Variants in FERMT1 observed in about 807,000 individuals in gnomAD.
FERMT1 encodes the protein FERM domain containing kindlin 1, also known as fermitin family homolog 1.
Under a neutral mutation model 85.3 loss-of-function variants are expected in FERMT1, and 60 were observed. That is an observed-to-expected ratio of 0.70 (90% CI 0.57 to 0.87). The LOEUF (loss-of-function observed/expected upper bound fraction) is 0.87, where lower values mean the gene tolerates loss of function less well. Ranked by LOEUF, FERMT1 falls within the 40% of genes least tolerant of loss-of-function variation. FERMT1 has a pLI of 0.00. For missense variants in FERMT1, 701 were observed against 818.9 expected (o/e 0.86, Z 1.76); for synonymous variants, 275 against 301.1 (o/e 0.91, Z 0.90).
In FERMT1 at chr20:6,079,627, A is replaced by G. The variant is rs749440416; in HGVS notation, c.1719-50T>C. The G allele has an allele frequency of 2.6e-6, 4 of 1,512,550 alleles. No individual in the cohort carries two copies. The African/African-American group carries it at 4.1e-5, about 16-fold the overall frequency. 93.7% of individuals were successfully genotyped at this position (1,512,550 alleles called of 1,614,324 possible). ...AAGAGAAGCAACTGCTTCCTATAAT[A>G]CAATGTTCACTCACATATAACTTCT... On this transcript the variant is annotated intron_variant, in intron 13 of 14. Transcript: ENST00000217289.
intron 6 of FERMT1, among the ~76,000 whole-genome samples, chr20:6,103,868 T>C (rs548618798): frequency 6.6e-6 from 1 of 150,686 alleles, no homozygotes; most frequent in East Asian, 1.9e-4. Context: ...TTATTATTAT[T>C]ATTATTTTAT....
chr20:6,078,715 C>A (rs117027809), intron 14 of FERMT1, among the ~76,000 whole-genome samples: 4,342 of 151,586 alleles, frequency 0.029, 97 homozygotes, highest in South Asian at 0.058. Flanking sequence ...CTCGAACTCC[C>A]AGCCTCAAGT....
Position 6,077,263 on chromosome 20 carries a change from G to T in FERMT1, c.1944C>A (p.Gly648=), listed in dbSNP as rs570732725. 6.2e-7 allele frequency: 1 copy of T among 1,614,160 alleles called. No individual in the cohort carries two copies. Among genetic ancestry groups the T allele is most frequent in the Admixed American group, 1.7e-5 (1 of 60,016 alleles). Residue 648 remains glycine, a synonymous_variant, in exon 15 of 15, where the codon GGC becomes GGA. Coordinates refer to ENST00000217289, the MANE Select transcript of FERMT1 (RefSeq NM_017671.5). ...ADCKIVHEYI[G]GYIFLSTRSK... ...AGCGGGTGGACAAGAAAATGTAGCC[G>T]CCAATGTACTCGTGCACAATCTTGC...
chr20:6,089,239 C>T, intron 9 of FERMT1, 150 bp from the exon 10 acceptor site: 4 of 785,006 alleles, frequency 5.1e-6, no homozygotes, highest in Non-Finnish European at 8.3e-6. Context: ...TTTCCAAGCG[C>T]TGGAAATGAA....
At chr20:6,101,368 A>T (rs1421929670) in intron 6 of FERMT1, among the ~76,000 whole-genome samples, 1 of 152,054 alleles carries the variant, frequency 6.6e-6, no homozygotes, top group African/African-American at 2.4e-5. Context: ...ATTTTTTTTC[A>T]GTGGTTAAAA....
At chr20:6,077,615 A>T (rs1438861006) in intron 14 of FERMT1, among the ~76,000 whole-genome samples, 1 of 152,104 alleles carries the variant, frequency 6.6e-6, no homozygotes, top group Non-Finnish European at 1.5e-5. Context: ...AGATACAAGG[A>T]TTTTGCCCAA....
At chr20:6,099,553 T>C (rs1459021252) in intron 6 of FERMT1, among the ~76,000 whole-genome samples, 1 of 152,078 alleles carries the variant, frequency 6.6e-6, no homozygotes, top group Non-Finnish European at 1.5e-5. Flanking sequence ...GGCAAATTCA[T>C]AAAGACAGAA....
intron 2 of FERMT1, among the ~76,000 whole-genome samples, chr20:6,118,572 T>G (rs970908252): frequency 6.6e-6 from 1 of 152,162 alleles, no homozygotes; most frequent in Admixed American, 6.5e-5. Flanking sequence ...AAAAAAACTA[T>G]CTTGCTAGAG....
rs1319280817 is a variant in FERMT1, at chr20:6,077,113, C to T, written c.*60G>A. 1.3e-6 allele frequency: 2 copies of T among 1,575,548 alleles called. No homozygotes were observed. Among genetic ancestry groups the T allele is most frequent in the Admixed American group, 1.7e-5 (1 of 59,956 alleles). On this transcript the variant is annotated 3_prime_UTR_variant, in exon 15 of 15. Transcript: ENST00000217289. ...TACATGCTGGGCACGTTAGGGATCCCTCTGGGGAGGGGCGCCTTTGGCTTG... is the reference window on the plus strand; with the variant it reads ...TACATGCTGGGCACGTTAGGGATCCTTCTGGGGAGGGGCGCCTTTGGCTTG...
Position 6,107,560 on chromosome 20 carries a change from T to C in FERMT1, c.821A>G (p.Tyr274Cys). 6.2e-7 allele frequency: 1 copy of C among 1,612,194 alleles called. No individual in the cohort carries two copies. The highest frequency in any genetic ancestry group is 2.2e-5 in the East Asian group (1 of 44,818). ...EDEQLLLRFK[Y>C]YSFFDLNPKY... is the part of the protein sequence containing the mutation. ...AGGATTCAAGTCGAAGAAAGAATAA[T>C]ATTTAAATCGTAAGAGCAGCTGCTC... Residue 274 changes from tyrosine (Y) to cysteine (C), a missense_variant, in exon 6 of 15, where the codon TAT (tyrosine) becomes TGT (cysteine). Coordinates refer to ENST00000217289, the MANE Select transcript of FERMT1 (RefSeq NM_017671.5).
At chr20:6,089,758 A>G (rs1300550779) in intron 9 of FERMT1, among the ~76,000 whole-genome samples, 1 of 152,220 alleles carries the variant, frequency 6.6e-6, no homozygotes, top group Non-Finnish European at 1.5e-5. Context: ...GGGGAAAGGT[A>G]TCCAGCTGTG....
At chr20:6,111,218 C>T (rs561428893) in intron 4 of FERMT1, among the ~76,000 whole-genome samples, 7 of 152,306 alleles carry the variant, frequency 4.6e-5, no homozygotes, top group African/African-American at 1.7e-4. Flanking sequence ...TTTCAGGTAG[C>T]CCCTTAAACA....
rs759081971 is a variant in FERMT1 at position 6,119,470 on chromosome 20, C to T, written c.85G>A (p.Val29Ile). 4.3e-6 allele frequency: 7 copies of T among 1,614,042 alleles called. No homozygotes were observed. The highest frequency in any genetic ancestry group is 4.5e-5 in the East Asian group (2 of 44,894). The stretch of plus-strand genomic sequence containing the variant: ...AGGTCTCCAGATACTCTCAGTGTGA[C>T]GTCTTTCTGCTGCTCTTCATTGGGA... The part of the protein sequence containing the change: ...DHPNEEQQKD[V>I]TLRVSGDLHV... The change falls in exon 2 of 15, where the codon GTC becomes ATC. Residue 29 changes from valine (V) to isoleucine (I), a missense_variant. By Grantham distance (29) the Val-to-Ile change is conservative. Coordinates refer to ENST00000217289, the MANE Select transcript of FERMT1 (RefSeq NM_017671.5).
intron 4 of FERMT1, among the ~76,000 whole-genome samples, chr20:6,111,979 C>T (rs1982964214): frequency 6.6e-6 from 1 of 152,012 alleles, no homozygotes. Context: ...CCTCCCATCT[C>T]AGCCTTCTGA....
chr20:6,075,269 A>G lies in FERMT1; in HGVS notation c.*1904T>C, dbSNP rs1371307781. 2.6e-5 allele frequency: 4 copies of G among 152,304 alleles called. No individual in the cohort carries two copies. Among genetic ancestry groups the G allele is most frequent in the Non-Finnish European group, 5.9e-5 (4 of 68,034 alleles). 9.4% of individuals were successfully genotyped at this position (152,304 alleles called of 1,614,324 possible). A position where few individuals can be genotyped will look rare whatever the true frequency, so the allele number is the denominator to read the frequency against. ...TTAGGCAGAGATGTTCTCAGCAGCA[A>G]ACAGGTAAAATCTGACATCGAGAAG... On this transcript the variant is annotated 3_prime_UTR_variant, in exon 15 of 15. Transcript: ENST00000217289.
chr20:6,085,339 G>T, intron 11 of FERMT1, 52 bp from the exon 12 acceptor site: 1 of 1,501,234 alleles, frequency 6.7e-7, no homozygotes, highest in Non-Finnish European at 9.3e-7. Context: ...GCCCCCTGCT[G>T]CACACAGAGG....
intron 6 of FERMT1, among the ~76,000 whole-genome samples, chr20:6,101,462 CAAAT>C (rs1354683391): frequency 6.6e-6 from 1 of 152,034 alleles, no homozygotes; most frequent in Non-Finnish European, 1.5e-5. Flanking sequence ...ACAGAGAAAA[CAAAT>C]GATCCTACTT....
At chr20:6,078,167 C>T (rs528529068) in intron 14 of FERMT1, among the ~76,000 whole-genome samples, 1 of 152,308 alleles carries the variant, frequency 6.6e-6, no homozygotes. Context: ...GTTCGTTCCT[C>T]CTCCCAGAGA....
chr20:6,092,649 C>G (rs2123112337), intron 9 of FERMT1, among the ~76,000 whole-genome samples: 1 of 152,318 alleles, frequency 6.6e-6, no homozygotes, highest in African/African-American at 2.4e-5. Flanking sequence ...GATGAACTTC[C>G]TTACTGCTTT....
Sources: allele counts gnomAD v4.1 joint callset (sites outside exome capture counted in the v4.1 genomes callset), GRCh38; gene constraint gnomAD v4.1.1; transcripts MANE v1.5; gene names NCBI Gene and HGNC (gene_info 2026-07-23, HGNC 2026-07-21).